Variants in MAP3K7 observed in about 807,000 individuals in gnomAD.
MAP3K7 encodes mitogen-activated protein kinase kinase kinase 7.
A neutral mutation model predicts 84.8 loss-of-function variants in MAP3K7; 21 were observed. The observed-to-expected ratio is 0.25, with a 90% confidence interval of 0.18 to 0.36. The LOEUF (loss-of-function observed/expected upper bound fraction) is 0.36, where lower values mean the gene tolerates loss of function less well. Ranked by LOEUF, MAP3K7 falls within the 10% of genes least tolerant of loss-of-function variation. MAP3K7 has a pLI of 1.00. For missense variants in MAP3K7, 503 were observed against 747.7 expected, an observed-to-expected ratio of 0.67 and a Z score of 3.82; for synonymous variants, 241 against 247.7, an observed-to-expected ratio of 0.97 and a Z score of 0.25.
chr6:90,565,801 G>A (rs573499603), intron 3 of MAP3K7, among the ~76,000 whole-genome samples: 2 of 152,258 alleles, frequency 1.3e-5, no homozygotes, highest in South Asian at 4.1e-4. Flanking sequence ...GAACATCGAT[G>A]CAAAAATCCT....
At chr6:90,526,632 C>G (rs1273137645) in intron 13 of MAP3K7, among the ~76,000 whole-genome samples, 1 of 151,498 alleles carries the variant, frequency 6.6e-6, no homozygotes, top group Non-Finnish European at 1.5e-5. Context: ...AGCTAGAGAT[C>G]TAACTTAGTT....
chr6:90,565,010 T>A lies in MAP3K7; in HGVS notation c.298-3343A>T. Among the ~76,000 whole-genome samples, 3 of 152,212 alleles carry A rather than the reference T, an allele frequency of 2.0e-5. 1 individual carries two copies. Among genetic ancestry groups the A allele is most frequent in the Non-Finnish European group, 4.4e-5 (3 of 68,008 alleles). On this transcript the variant is annotated intron_variant, in intron 3 of 16. Transcript: ENST00000369329. ...AAATAAAGATGTTCTTTGAAACCAA[T>A]GAGAAGAAAGACACAACATACCAGA... is the stretch of plus-strand genomic sequence containing the variant.
At chr6:90,577,152 G>C (rs1777110584) in intron 1 of MAP3K7, among the ~76,000 whole-genome samples, 1 of 152,162 alleles carries the variant, frequency 6.6e-6, no homozygotes, top group Non-Finnish European at 1.5e-5. Flanking sequence ...GGCAGATCTG[G>C]GAAATGTTTT....
intron 16 of MAP3K7, among the ~76,000 whole-genome samples, chr6:90,517,119 A>G (rs1395203852): frequency 6.6e-6 from 1 of 151,860 alleles, no homozygotes; most frequent in Non-Finnish European, 1.5e-5. Context: ...GTAAGCTAAT[A>G]GCAAATTTGC....
At position 90,527,540 on chromosome 6, in the gene MAP3K7, T is replaced by G. The variant is rs1366969931; in HGVS notation, c.1357-3757A>C. On this transcript the variant is annotated intron_variant, in intron 13 of 16. Transcript: ENST00000369329. ...CCTCAGCCTCCTAACGTGCTGGGAT[T>G]ATAGGTGTGAGCCCCTGTGCCCAGT... 3.9e-5 allele frequency among the ~76,000 whole-genome samples: 6 copies of G among 152,234 alleles called. No homozygotes were observed. In the East Asian group the frequency reaches 1.2e-3, roughly 30 times the overall value.
chr6:90,536,458 G>A (rs960305183), intron 12 of MAP3K7, 57 bp from the exon 13 acceptor site: 20 of 1,301,240 alleles, frequency 1.5e-5, no homozygotes, highest in African/African-American at 1.2e-4. Flanking sequence ...GACAAAAAGC[G>A]TGTAATTGCT....
chr6:90,548,804 C>T (rs1208306440), intron 9 of MAP3K7, among the ~76,000 whole-genome samples: 1 of 148,878 alleles, frequency 6.7e-6, no homozygotes, highest in Non-Finnish European at 1.5e-5. Context: ...TATGGTATCT[C>T]GGAGGCCAAC....
At position 90,515,621 on chromosome 6, in the gene MAP3K7, A is replaced by ATTT. The variant is rs770608924; in HGVS notation, c.*877_*879dup. 1 of 140,082 alleles carries ATTT rather than the reference A, an allele frequency of 7.1e-6. No individual in the cohort carries two copies. The highest frequency in any genetic ancestry group is 1.6e-5 in the Non-Finnish European group (1 of 63,680). 8.7% of individuals were successfully genotyped at this position (140,082 alleles called of 1,614,324 possible). A position where few individuals can be genotyped will look rare whatever the true frequency, so the allele number is the denominator to read the frequency against. Reference sequence around the variant, plus strand: ...CTTCCATTTTCCATTATTTTTCTTCATTTTTTTTTTTTCAAATACATGAGA... The same window carrying ATTT: ...CTTCCATTTTCCATTATTTTTCTTCATTTTTTTTTTTTTTTCAAATACATGAGA... On this transcript the variant is annotated 3_prime_UTR_variant, in exon 17 of 17. Transcript: ENST00000369329.
rs2032520242 is a variant in MAP3K7 at position 90,515,973 on chromosome 6, T to C, written c.*528A>G. 6.4e-6 allele frequency: 1 copy of C among 156,280 alleles called. No individual in the cohort carries two copies. The highest frequency in any genetic ancestry group is 2.0e-4 in the South Asian group (1 of 5,060). The allele number at this position is 156,280 out of a possible 1,614,324, so 9.7% of individuals were successfully genotyped here. ...CCAAGGATGCTGGCATCAAAGCCCTTACACGGAACTATCCCTAAAGGTTCC... is the reference window on the plus strand; with the variant it reads ...CCAAGGATGCTGGCATCAAAGCCCTCACACGGAACTATCCCTAAAGGTTCC... On this transcript the variant is annotated 3_prime_UTR_variant, in exon 17 of 17. Coordinates refer to ENST00000369329, the MANE Select transcript of MAP3K7 (RefSeq NM_145331.3).
chr6:90,527,670 C>A (rs575016644), intron 13 of MAP3K7, among the ~76,000 whole-genome samples: 13 of 152,184 alleles, frequency 8.5e-5, no homozygotes, highest in African/African-American at 3.1e-4. Context: ...ACAGGGAAGG[C>A]CACAGGCGAG....
intron 13 of MAP3K7, among the ~76,000 whole-genome samples, chr6:90,529,781 T>C (rs150124): frequency 0.68 from 103,011 of 151,960 alleles, 35,296 homozygotes; most frequent in Middle Eastern, 0.75. Flanking sequence ...TTACTCCTCT[T>C]CAAAAGTATT....
Position 90,553,498 on chromosome 6 carries a change from A to G in MAP3K7, c.696T>C (p.Ile232=), listed in dbSNP as rs777357232. Residue 232 remains isoleucine, a synonymous_variant, in exon 7 of 17, where the codon ATT becomes ATC. Coordinates refer to ENST00000369329, the MANE Select transcript of MAP3K7 (RefSeq NM_145331.3). ...ACATGATTCGGAAAGCTGGGCCACC[A>G]ATCTCATCAAAGGGTTTCCGACGCG... ...VITRRKPFDE[I]GGPAFRIMWA... 12 of 1,614,032 alleles carry G rather than the reference A, an allele frequency of 7.4e-6. No individual in the cohort carries two copies. Among genetic ancestry groups the G allele is most frequent in the Admixed American group, 1.7e-5 (1 of 60,004 alleles).
intron 7 of MAP3K7, among the ~76,000 whole-genome samples, chr6:90,552,750 A>T (rs970585873): frequency 2.6e-5 from 4 of 152,244 alleles, no homozygotes; most frequent in Middle Eastern, 3.2e-3. Context: ...ATGCATTCTA[A>T]CATCATATGT....
intron 13 of MAP3K7, among the ~76,000 whole-genome samples, chr6:90,530,616 A>G (rs1775476974): frequency 6.6e-6 from 1 of 152,176 alleles, no homozygotes; most frequent in Non-Finnish European, 1.5e-5. Context: ...ATTTAAATCC[A>G]TTAACTAATA....
chr6:90,544,033 A>T (rs1145728), intron 12 of MAP3K7, among the ~76,000 whole-genome samples: 31,816 of 151,960 alleles, frequency 0.21, 3,988 homozygotes, highest in Non-Finnish European at 0.29. Flanking sequence ...AGCACATCTC[A>T]TTTAGCTTTA....
At chr6:90,518,965 T>A (rs1775060618) in intron 15 of MAP3K7, among the ~76,000 whole-genome samples, 1 of 151,746 alleles carries the variant, frequency 6.6e-6, no homozygotes, top group African/African-American at 2.4e-5. Context: ...AGCTTATGAG[T>A]TTTGTTTTAA....
At chr6:90,576,851 G>A (rs537679026) in intron 1 of MAP3K7, among the ~76,000 whole-genome samples, 2 of 152,164 alleles carry the variant, frequency 1.3e-5, no homozygotes, top group African/African-American at 4.8e-5. Context: ...TGGAGGAAGG[G>A]AAGAGTGATT....
At chr6:90,565,867 G>A (rs563071528) in intron 3 of MAP3K7, among the ~76,000 whole-genome samples, 28 of 152,238 alleles carry the variant, frequency 1.8e-4, no homozygotes, top group African/African-American at 6.7e-4. Flanking sequence ...TATCCACCAC[G>A]ATCAAGTTGG....
intron 3 of MAP3K7, among the ~76,000 whole-genome samples, chr6:90,567,174 C>T (rs370647359): frequency 6.6e-6 from 1 of 152,144 alleles, no homozygotes; most frequent in Non-Finnish European, 1.5e-5. Flanking sequence ...AGGACTAAAA[C>T]ACCAAAAGCA....
Sources: allele counts gnomAD v4.1 joint callset (sites outside exome capture counted in the v4.1 genomes callset), GRCh38; gene constraint gnomAD v4.1.1; transcripts MANE v1.5; gene names NCBI Gene and HGNC (gene_info 2026-07-23, HGNC 2026-07-21).